Variants in RBFOX1 observed in about 807,000 individuals in gnomAD.
The protein encoded by RBFOX1 is RNA binding protein fox-1 homolog 1.
RBFOX1 carries 8 observed loss-of-function variants against 57.7 expected under a neutral mutation model. That is an observed-to-expected ratio of 0.14 (90% CI 0.08 to 0.25). The LOEUF is 0.25. Among genes scored for constraint, RBFOX1 ranks in the 10% least tolerant of loss-of-function variants. RBFOX1 has a pLI of 1.00. For missense variants in RBFOX1, 611 were observed against 548.5 expected (o/e 1.11, Z -1.14); for synonymous variants, 326 against 222.4 (o/e 1.47, Z -4.15).
intron 4 of RBFOX1, among the ~76,000 whole-genome samples, chr16:7,439,506 C>G (rs1322914145): frequency 6.6e-6 from 1 of 152,154 alleles, no homozygotes; most frequent in African/African-American, 2.4e-5. Context: ...CTAGTTCCTC[C>G]CATCTCCAGG....
At chr16:6,153,501 C>G (rs8052411) in intron 1 of RBFOX1, among the ~76,000 whole-genome samples, 1 of 151,758 alleles carries the variant, frequency 6.6e-6, no homozygotes, top group African/African-American at 2.4e-5. Flanking sequence ...CACACAGTCC[C>G]ACTCCTTCCT....
chr16:7,241,405 A>G (rs1922584), intron 4 of RBFOX1, among the ~76,000 whole-genome samples: 31 of 152,096 alleles, frequency 2.0e-4, no homozygotes, highest in African/African-American at 6.7e-4. Flanking sequence ...TTGCAGTTCA[A>G]TGGGCAAATT....
chr16:5,306,660 ATGCACAGCAATGCTC>A (rs1362262902), intron 1 of RBFOX1, among the ~76,000 whole-genome samples: 4 of 152,136 alleles, frequency 2.6e-5, no homozygotes, highest in African/African-American at 9.7e-5. Context: ...ATCGAGTTAA[ATGCACAGCAATGCTC>A]TGCGGAGCAA....
intron 4 of RBFOX1, among the ~76,000 whole-genome samples, chr16:7,296,915 C>T (rs1291911964): frequency 1.3e-5 from 2 of 152,048 alleles, no homozygotes; most frequent in East Asian, 3.9e-4. Flanking sequence ...TTCTGTTTAC[C>T]CTCAAAAATG....
At chr16:5,619,411 C>G (rs764903457) in intron 3 of RBFOX1, among the ~76,000 whole-genome samples, 1 of 152,184 alleles carries the variant, frequency 6.6e-6, no homozygotes, top group Non-Finnish European at 1.5e-5. Context: ...GGGGCTGGGA[C>G]TAGATTGCTT....
intron 3 of RBFOX1, among the ~76,000 whole-genome samples, chr16:5,854,770 T>A (rs1289989521): frequency 1.3e-5 from 2 of 152,198 alleles, no homozygotes; most frequent in African/African-American, 2.4e-5. Flanking sequence ...CTGGATCATA[T>A]GATAGTTCTA....
chr16:6,957,043 C>T (rs2081990588), intron 3 of RBFOX1, among the ~76,000 whole-genome samples: 1 of 150,456 alleles, frequency 6.6e-6, no homozygotes, highest in African/African-American at 2.5e-5. Context: ...AGGCATATTC[C>T]ATCGGCAGAG....
At chr16:6,387,501 AG>A (rs2092359755) in intron 2 of RBFOX1, among the ~76,000 whole-genome samples, 1 of 151,080 alleles carries the variant, frequency 6.6e-6, no homozygotes, top group Admixed American at 6.6e-5. Flanking sequence ...TTGAAGAGAG[AG>A]GTGTAAAAAA....
chr16:6,423,018 C>T (rs974955060), intron 2 of RBFOX1, among the ~76,000 whole-genome samples: 3 of 152,170 alleles, frequency 2.0e-5, no homozygotes, highest in African/African-American at 7.2e-5. Context: ...CATAGTATTC[C>T]ATGCTGTATA....
intron 10 of RBFOX1, among the ~76,000 whole-genome samples, chr16:7,623,093 T>C (rs2059556994): frequency 1.3e-5 from 2 of 152,298 alleles, no homozygotes; most frequent in Middle Eastern, 3.4e-3. Flanking sequence ...GTTTGAGGCT[T>C]ATGGGTCACT....
chr16:6,236,576 A>C (rs1402078846), intron 1 of RBFOX1, among the ~76,000 whole-genome samples: 3 of 151,982 alleles, frequency 2.0e-5, no homozygotes, highest in Admixed American at 2.0e-4. Flanking sequence ...CAGGGATTAC[A>C]GGCACGTGTC....
chr16:6,491,011 A>G (rs1214104105), intron 2 of RBFOX1, among the ~76,000 whole-genome samples: 1 of 152,160 alleles, frequency 6.6e-6, no homozygotes, highest in Admixed American at 6.6e-5. Context: ...GTGGGAAAAT[A>G]AATGAGATGA....
intron 9 of RBFOX1, among the ~76,000 whole-genome samples, chr16:7,603,594 C>T (rs183033311): frequency 2.6e-5 from 4 of 152,102 alleles, no homozygotes; most frequent in Admixed American, 2.6e-4. Context: ...AACATGAAGT[C>T]GACTTTGTGA....
Position 7,483,516 on chromosome 16 carries a change from T to C in RBFOX1, c.28-34631T>C, listed in dbSNP as rs1022654865. Among the ~76,000 whole-genome samples the C allele has an allele frequency of 1.4e-4, 21 of 152,354 alleles. No individual in the cohort carries two copies. The East Asian group carries it at 3.7e-3, about 27-fold the overall frequency. On this transcript the variant is annotated intron_variant, in intron 4 of 15. Transcript: ENST00000550418. ...GTGTGTGGTGGACATTGTATATCTTTAATATCCAGACCTTTCCTGGGATGC... is the reference window on the plus strand; with the variant it reads ...GTGTGTGGTGGACATTGTATATCTTCAATATCCAGACCTTTCCTGGGATGC...
At chr16:5,617,264 C>A (rs1450576417) in intron 3 of RBFOX1, among the ~76,000 whole-genome samples, 2 of 152,314 alleles carry the variant, frequency 1.3e-5, no homozygotes, top group East Asian at 3.9e-4. Flanking sequence ...ACCTGGAAAG[C>A]TCCCATTCAC....
intron 3 of RBFOX1, among the ~76,000 whole-genome samples, chr16:7,008,640 CCCTT>C (rs1436350720): frequency 1.0e-5 from 1 of 96,876 alleles, no homozygotes. Flanking sequence ...CTTCCTCCCT[CCCTT>C]CCTTCCTCCT....
intron 4 of RBFOX1, among the ~76,000 whole-genome samples, chr16:6,007,629 A>G (rs1331722691): frequency 6.6e-6 from 1 of 152,230 alleles, no homozygotes; most frequent in Non-Finnish European, 1.5e-5. Flanking sequence ...GAGATAACTA[A>G]TACAGTGGAT....
chr16:7,451,073 G>C (rs2098848336), intron 4 of RBFOX1, among the ~76,000 whole-genome samples: 1 of 152,144 alleles, frequency 6.6e-6, no homozygotes, highest in African/African-American at 2.4e-5. Flanking sequence ...ACAAGGAGGA[G>C]ACTGGCATGC....
chr16:7,039,816 C>A (rs760489885), intron 3 of RBFOX1, among the ~76,000 whole-genome samples: 1 of 152,086 alleles, frequency 6.6e-6, no homozygotes, highest in South Asian at 2.1e-4. Context: ...ATAAACATTA[C>A]ACATGAGACC....
Sources: gnomAD v4.1 joint callset for allele counts (sites outside exome capture counted in the v4.1 genomes callset) on GRCh38, gnomAD v4.1.1 for gene constraint, MANE v1.5 for transcripts, NCBI Gene and HGNC (gene_info 2026-07-23, HGNC 2026-07-21) for gene names.